Variants in HIBCH observed in about 807,000 individuals in gnomAD.
HIBCH encodes 3-hydroxyisobutyryl-CoA hydrolase, mitochondrial.
Under a neutral mutation model 58.2 loss-of-function variants are expected in HIBCH, and 50 were observed. That is an observed-to-expected ratio of 0.86 (90% CI 0.68 to 1.09). The LOEUF is 1.09. HIBCH is among the 50% of genes least tolerant of loss of function. The pLI is 0.00. For synonymous variants in HIBCH, 151 were observed against 146.9 expected, an observed-to-expected ratio of 1.03 and a Z score of -0.20; for missense variants, 450 against 449.7, an observed-to-expected ratio of 1.00 and a Z score of -0.01.
At chr2:190,292,593 T>C (rs1687987385) in intron 4 of HIBCH, among the ~76,000 whole-genome samples, 1 of 152,202 alleles carries the variant, frequency 6.6e-6, no homozygotes, top group African/African-American at 2.4e-5. Context: ...TTACAGGCGT[T>C]AGCCTCTGCA....
chr2:190,203,411 G>A (rs1412764474), downstream of HIBCH: 1 of 166,878 alleles, frequency 6.0e-6, no homozygotes, highest in Non-Finnish European at 1.5e-5. Flanking sequence ...CTATGAAGTG[G>A]TATATTTTTT....
In HIBCH at chr2:190,281,876, A is replaced by G. The variant is rs532540764; in HGVS notation, c.438+5710T>C. On this transcript the variant is annotated intron_variant, in intron 6 of 13. Transcript: ENST00000359678. The surrounding 1 kb of genome is among the most constrained non-coding windows in gnomAD (Gnocchi z 5.4). ...CCATAAAGCCCTCAGACATGGACAC[A>G]TCCAGCCAGGTTCTTTGTCACTTTA... 1.3e-5 allele frequency among the ~76,000 whole-genome samples: 2 copies of G among 152,160 alleles called. No homozygotes were observed. The highest frequency in any genetic ancestry group is 2.9e-5 in the Non-Finnish European group (2 of 68,030).
chr2:190,319,573 G>T (rs1688794362), intron 1 of HIBCH, 143 bp downstream of exon 1: 2 of 717,028 alleles, frequency 2.8e-6, no homozygotes, highest in Non-Finnish European at 5.1e-6. Flanking sequence ...GGGGCTTGGG[G>T]AGGGCCAAGG....
At chr2:190,212,628 C>A (rs1439292218) in intron 12 of HIBCH, among the ~76,000 whole-genome samples, 1 of 152,122 alleles carries the variant, frequency 6.6e-6, no homozygotes, top group Non-Finnish European at 1.5e-5. Context: ...TGAGGGAATT[C>A]ACATTTACAG....
chr2:190,313,131 T>G (rs1342315873), intron 1 of HIBCH, among the ~76,000 whole-genome samples: 1 of 152,230 alleles, frequency 6.6e-6, no homozygotes, highest in Non-Finnish European at 1.5e-5. Flanking sequence ...AGACTAACTT[T>G]CTTCATGCCT....
rs954263930 is a variant in HIBCH at position 190,315,953 on chromosome 2, G to A, written c.35+3763C>T. Among the ~76,000 whole-genome samples, 3 of 152,084 alleles carry A rather than the reference G, an allele frequency of 2.0e-5. No homozygotes were observed. The highest frequency in any genetic ancestry group is 7.2e-5 in the African/African-American group (3 of 41,420). On this transcript the variant is annotated intron_variant, in intron 1 of 13. Coordinates refer to ENST00000359678, the MANE Select transcript of HIBCH (RefSeq NM_014362.4). The surrounding 1 kb of genome is among the most constrained non-coding windows in gnomAD (Gnocchi z 5.4). ...GCAGAAATAGTCAACAGAAGAAAGA[G>A]ACTAGAGGTTGAAAGAAAAGTTAGA...
intron 11 of HIBCH, among the ~76,000 whole-genome samples, chr2:190,238,957 C>T (rs990835728): frequency 2.6e-5 from 4 of 152,202 alleles, no homozygotes; most frequent in African/African-American, 7.2e-5. Flanking sequence ...TGTACAGAAG[C>T]TCTTTAGTTT....
intron 4 of HIBCH, among the ~76,000 whole-genome samples, chr2:190,292,986 G>C (rs1687995250): frequency 6.6e-6 from 1 of 152,088 alleles, no homozygotes; most frequent in Admixed American, 6.5e-5. Context: ...TCCTGGACTT[G>C]AATCCACTGC....
intron 12 of HIBCH, 50 bp downstream of exon 12, chr2:190,212,906 G>A (rs564202251): frequency 1.4e-5 from 21 of 1,482,428 alleles, no homozygotes; most frequent in South Asian, 9.2e-5. Context: ...TACAATAAAC[G>A]TATGTTACTT....
At chr2:190,205,304 G>A in intron 13 of HIBCH, 72 bp from the exon 14 acceptor site, 1 of 873,636 alleles carries the variant, frequency 1.1e-6, no homozygotes, top group Non-Finnish European at 1.9e-6. Context: ...TTACTGAATT[G>A]ACAGAAATTC....
At chr2:190,199,562 T>G (rs1690146097), downstream of HIBCH, 3 of 324,194 alleles carry the variant, frequency 9.3e-6, no homozygotes, top group Non-Finnish European at 1.6e-5. Context: ...CTTCTACTGA[T>G]AAGATAAAGC....
downstream of HIBCH, chr2:190,199,712 G>C: frequency 8.9e-6 from 13 of 1,467,034 alleles, no homozygotes; most frequent in Non-Finnish European, 1.2e-5. Context: ...CACTACACGT[G>C]AAGAGTGGTG....
At position 190,279,263 on chromosome 2, in the gene HIBCH, ACTT is replaced by A. The variant is rs950266196; in HGVS notation, c.438+8320_438+8322del. 7.2e-5 allele frequency among the ~76,000 whole-genome samples: 11 copies of A among 152,328 alleles called. No individual in the cohort carries two copies. Among genetic ancestry groups the A allele is most frequent in the African/African-American group, 2.6e-4 (11 of 41,586 alleles). ...GACCCCATCACCTCTTGAAGGCCTC[ACTT>A]CTTAATACTGTTACATTCAGGATTA... On this transcript the variant is annotated intron_variant, in intron 6 of 13. Transcript: ENST00000359678. This position sits in a 1 kb window ranked among gnomAD's most constrained non-coding sequence, Gnocchi z 4.2.
chr2:190,314,353 A>C (rs1247518967), intron 1 of HIBCH, among the ~76,000 whole-genome samples: 1 of 53,656 alleles, frequency 1.9e-5, no homozygotes, highest in Non-Finnish European at 4.3e-5. Context: ...ATATGTGTAT[A>C]TATACGTATA....
intron 6 of HIBCH, among the ~76,000 whole-genome samples, chr2:190,278,738 C>CAAAAA (rs34358967): frequency 1.0e-4 from 8 of 79,602 alleles, no homozygotes; most frequent in Non-Finnish European, 1.6e-4. Context: ...GACTCCATCT[C>CAAAAA]AAAAAAAAAA....
chr2:190,199,932 T>C, downstream of HIBCH: 2 of 1,613,908 alleles, frequency 1.2e-6, no homozygotes, highest in Non-Finnish European at 1.7e-6. Flanking sequence ...AGCATGAGAG[T>C]GAAGAACCCT....
Position 190,319,794 on chromosome 2 carries a change from G to C in HIBCH, c.-44C>G. 3 of 1,596,682 alleles carry C rather than the reference G, an allele frequency of 1.9e-6. No individual in the cohort carries two copies. Among genetic ancestry groups the C allele is most frequent in the Non-Finnish European group, 2.6e-6 (3 of 1,171,178 alleles). On this transcript the variant is annotated 5_prime_UTR_variant, in exon 1 of 14. Transcript: ENST00000359678. ...TAAAGCAGCAGAGCGAGAATCTCCC[G>C]GACCGTTCCAGCGCCTCGCGTGAGC...
downstream of HIBCH, chr2:190,201,145 T>G (rs1461972748): frequency 6.0e-6 from 1 of 167,066 alleles, no homozygotes; most frequent in African/African-American, 2.4e-5. Flanking sequence ...GGGTTTTTGT[T>G]ATTTTTTAGT....
rs150129916 is a variant in HIBCH at position 190,287,911 on chromosome 2, C to T, written c.386-273G>A. ...GTGGCTGACACCTGTAATCTAACCT[C>T]TTTGGGAGGCCAAGGTGGGAGGATT... On this transcript the variant is annotated intron_variant, in intron 5 of 13. Transcript: ENST00000359678. Among the ~76,000 whole-genome samples, 1,027 of 152,198 alleles carry T rather than the reference C, an allele frequency of 6.7e-3. 13 individuals carry two copies. The highest frequency in any genetic ancestry group is 0.022 in the African/African-American group (933 of 41,518).
Sources: gnomAD v4.1 joint callset for allele counts (sites outside exome capture counted in the v4.1 genomes callset) on GRCh38, gnomAD v4.1.1 for gene constraint, Gnocchi (gnomAD v3.1) non-coding constraint, MANE v1.5 for transcripts, NCBI Gene and HGNC (gene_info 2026-07-23, HGNC 2026-07-21) for gene names.